Variants in SLC7A13 observed in about 807,000 individuals in gnomAD.
SLC7A13 encodes solute carrier family 7 member 13.
In SLC7A13, 31 loss-of-function variants were observed where a neutral mutation model predicts 32.0. The observed-to-expected ratio is 0.97, with a 90% CI of 0.73 to 1.31. SLC7A13 has a LOEUF of 1.31. Ranked by LOEUF, SLC7A13 falls within the 50% of genes most tolerant of loss-of-function variation. The probability of loss-of-function intolerance (pLI) is 0.00; values close to 1 mark genes in which losing one functional copy is unlikely to be tolerated. For missense variants in SLC7A13, 633 were observed against 546.9 expected (o/e 1.16, Z -1.57); for synonymous variants, 232 against 206.9 (o/e 1.12, Z -1.04).
At position 86,223,044 on chromosome 8, in the gene SLC7A13, C is replaced by T. The variant is rs2976189; in HGVS notation, c.745G>A (p.Val249Met). 225,513 of 1,605,430 alleles carry T rather than the reference C, an allele frequency of 0.14. 17,268 individuals carry two copies. Among genetic ancestry groups the T allele is most frequent in the Non-Finnish European group, 0.16 (184,401 of 1,175,818 alleles). Residue 249 changes from valine (V) to methionine (M), a missense_variant, in exon 2 of 4, where the codon GTG (valine) becomes ATG (methionine). Physicochemically the swap from Val to Met is conservative, Grantham distance 21. Transcript: ENST00000297524. The stretch of plus-strand genomic sequence containing the variant: ...TTAACCAGTAAATAAACTACAGTCA[C>T]CAGAGGTAACGCAGTAAATATGCAT... ...PKCIFTALPL[V>M]TVVYLLVNIS...
In SLC7A13 at chr8:86,214,466, A is replaced by T; in HGVS notation, c.1360T>A (p.Cys454Ser). ...IRLAWFEKMT[C>S]YLQLLFNICL... ...ATATTAAATAGTAATTGTAAATAGC[A>T]AGTCATCTTCTCAAACCAAGCCAAT... The change falls in exon 4 of 4, where the codon TGC (cysteine) becomes AGC (serine). Residue 454 changes from cysteine to serine, a missense_variant. Transcript: ENST00000297524. The T allele has an allele frequency of 1.2e-6, 2 of 1,611,466 alleles. No individual in the cohort carries two copies. The highest frequency in any genetic ancestry group is 2.2e-5 in the South Asian group (2 of 91,028).
At chr8:86,227,343 A>G (rs1820404326) in intron 1 of SLC7A13, among the ~76,000 whole-genome samples, 1 of 152,194 alleles carries the variant, frequency 6.6e-6, no homozygotes, top group Non-Finnish European at 1.5e-5. Context: ...TGAAAGTGAG[A>G]AAAAATGAAA....
rs1213900788 is a variant in SLC7A13, at chr8:86,217,827, A to G, written c.822T>C (p.Ala274=). Residue 274 remains alanine (A), a synonymous_variant, in exon 3 of 4, where the codon GCT becomes GCC. Coordinates refer to ENST00000297524, the MANE Select transcript of SLC7A13 (RefSeq NM_138817.3). ...CTCGATCAGCCCATGTGATAGCTAC[A>G]GCATCTGCAGAAAAACAAAAATACA... ...LTPREILSSD[A]VAITWADRAF... 2 of 1,521,590 alleles carry G rather than the reference A, an allele frequency of 1.3e-6. No homozygotes were observed. The allele number at this position is 1,521,590 out of a possible 1,614,324, so 94.3% of individuals were successfully genotyped here.
intron 1 of SLC7A13, among the ~76,000 whole-genome samples, chr8:86,226,359 C>T (rs1261850859): frequency 6.6e-6 from 1 of 152,138 alleles, no homozygotes; most frequent in Non-Finnish European, 1.5e-5. Context: ...TTTCTCAATA[C>T]CTTATTTTTA....
At chr8:86,220,078 T>C (rs1395455288) in intron 2 of SLC7A13, among the ~76,000 whole-genome samples, 1 of 152,172 alleles carries the variant, frequency 6.6e-6, no homozygotes, top group Non-Finnish European at 1.5e-5. Context: ...GGCTATCTTA[T>C]CAAAATTTTT....
At chr8:86,221,777 T>A (rs1182200712) in intron 2 of SLC7A13, among the ~76,000 whole-genome samples, 1 of 152,202 alleles carries the variant, frequency 6.6e-6, no homozygotes, top group East Asian at 1.9e-4. Context: ...AAAATTGCTA[T>A]AATCATTATT....
chr8:86,214,158 A>C lies in SLC7A13; in HGVS notation c.*255T>G, dbSNP rs1306011785. 7.2e-6 allele frequency: 2 copies of C among 277,446 alleles called. No homozygotes were observed. Among genetic ancestry groups the C allele is most frequent in the Admixed American group, 9.7e-5 (2 of 20,634 alleles). The allele number at this position is 277,446 out of a possible 1,614,324, so 17.2% of individuals were successfully genotyped here. A position where few individuals can be genotyped will look rare whatever the true frequency, so the allele number is the denominator to read the frequency against. On this transcript the variant is annotated 3_prime_UTR_variant, in exon 4 of 4. Transcript: ENST00000297524. Reference sequence around the variant, plus strand: ...AAAGTGAGAGAATGGAAGTTGTATAATCACTCTATCAAGCTACGCAAACCA... The same window carrying C: ...AAAGTGAGAGAATGGAAGTTGTATACTCACTCTATCAAGCTACGCAAACCA...
chr8:86,216,104 T>C (rs574559747), intron 3 of SLC7A13, among the ~76,000 whole-genome samples: 1 of 152,326 alleles, frequency 6.6e-6, no homozygotes, highest in Non-Finnish European at 1.5e-5. Flanking sequence ...CTCTTAATGA[T>C]TATCTTATAC....
rs1820332746 is a variant in SLC7A13 at position 86,223,084 on chromosome 8, T to C, written c.705A>G (p.Arg235=). The C allele has an allele frequency of 1.2e-6, 2 of 1,601,532 alleles. No individual in the cohort carries two copies. Among genetic ancestry groups the C allele is most frequent in the East Asian group, 2.3e-5 (1 of 44,226 alleles). The part of the protein sequence containing the change: ...TLIAGELKKP[R]TTIPKCIFTA... ...TAAATATGCATTTGGGAATTGTTGT[T>C]CTGGGCTTCTTCAGCTCCCCTATAA... The change falls in exon 2 of 4, where the codon AGA becomes AGG. Residue 235 remains arginine, a synonymous_variant. Coordinates refer to ENST00000297524, the MANE Select transcript of SLC7A13 (RefSeq NM_138817.3).
chr8:86,222,063 A>G (rs1305763830), intron 2 of SLC7A13, among the ~76,000 whole-genome samples: 1 of 152,174 alleles, frequency 6.6e-6, no homozygotes, highest in Admixed American at 6.5e-5. Flanking sequence ...TAGCTAGACC[A>G]TTATGAATCA....
chr8:86,227,864 CTT>C, intron 1 of SLC7A13, among the ~76,000 whole-genome samples: 1 of 152,094 alleles, frequency 6.6e-6, no homozygotes, highest in East Asian at 1.9e-4. Context: ...CATATTCTCA[CTT>C]ATATATGGGA....
At position 86,229,704 on chromosome 8, in the gene SLC7A13, G is replaced by A. The variant is rs370985157; in HGVS notation, c.574C>T (p.Arg192Ter). ...LIRGKKENVERFQNAFDAELP... is the reference protein window; with the variant it reads ...LIRGKKENVE The stretch of plus-strand genomic sequence containing the variant: ...TCAGCATCAAAAGCATTCTGAAATC[G>A]TTCTACATTCTCCTTTTTCCCTCTT... Residue 192 changes from arginine (R) to a stop codon, truncating the protein, a stop_gained, in exon 1 of 4, where the codon CGA becomes TGA. Coordinates refer to ENST00000297524, the MANE Select transcript of SLC7A13 (RefSeq NM_138817.3). LOFTEE classifies it high-confidence loss of function. The A allele has an allele frequency of 2.7e-5, 43 of 1,614,014 alleles. No individual in the cohort carries two copies. Among genetic ancestry groups the A allele is most frequent in the Non-Finnish European group, 3.1e-5 (37 of 1,180,040 alleles).
At position 86,229,901 on chromosome 8, in the gene SLC7A13, C is replaced by G; in HGVS notation, c.377G>C (p.Ser126Thr). The G allele has an allele frequency of 1.2e-6, 2 of 1,614,090 alleles. No homozygotes were observed. Among genetic ancestry groups the G allele is most frequent in the Non-Finnish European group, 1.7e-6 (2 of 1,180,024 alleles). ...AEYSIQPFFP[S>T]CSVPKLPKKC... is the part of the protein sequence containing the mutation. ...CTTAGGCAGCTTTGGGACAGAGCAG[C>G]TGGGAAAAAAAGGCTGGATGCTGTA... The change falls in exon 1 of 4, where the codon AGC becomes ACC. Residue 126 changes from serine to threonine, a missense_variant. Transcript: ENST00000297524.
chr8:86,229,319 A>G (rs560724767), intron 1 of SLC7A13, among the ~76,000 whole-genome samples: 1 of 152,328 alleles, frequency 6.6e-6, no homozygotes, highest in African/African-American at 2.4e-5. Context: ...CATTAACAGA[A>G]AGGAAACAGA....
At chr8:86,228,888 C>T (rs1193985323) in intron 1 of SLC7A13, among the ~76,000 whole-genome samples, 1 of 151,862 alleles carries the variant, frequency 6.6e-6, no homozygotes, top group Admixed American at 6.6e-5. Flanking sequence ...CACTATTTTG[C>T]CCAGGTGGTC....
chr8:86,227,046 A>G (rs1820397875), intron 1 of SLC7A13, among the ~76,000 whole-genome samples: 1 of 152,240 alleles, frequency 6.6e-6, no homozygotes, highest in Non-Finnish European at 1.5e-5. Context: ...GAGGCTAGAA[A>G]GGAGAAAACA....
At chr8:86,219,305 A>T (rs763141576) in intron 2 of SLC7A13, among the ~76,000 whole-genome samples, 6 of 152,144 alleles carry the variant, frequency 3.9e-5, no homozygotes, top group Non-Finnish European at 5.9e-5. Context: ...GTTAGTTATA[A>T]CTTGAGGAGG....
At chr8:86,224,060 A>G (rs1820349840) in intron 1 of SLC7A13, among the ~76,000 whole-genome samples, 2 of 152,146 alleles carry the variant, frequency 1.3e-5, no homozygotes, top group Admixed American at 1.3e-4. Flanking sequence ...ACTACATGAA[A>G]TTTGACCTCA....
At chr8:86,226,722 C>T (rs763951692) in intron 1 of SLC7A13, among the ~76,000 whole-genome samples, 9 of 152,136 alleles carry the variant, frequency 5.9e-5, no homozygotes, top group Non-Finnish European at 1.3e-4. Flanking sequence ...CCTTAATAAT[C>T]GTATCTAATA....
Sources: gnomAD v4.1 joint callset for allele counts (sites outside exome capture counted in the v4.1 genomes callset) on GRCh38, gnomAD v4.1.1 for gene constraint, MANE v1.5 for transcripts, NCBI Gene and HGNC (gene_info 2026-07-23, HGNC 2026-07-21) for gene names.